Variants in WWOX observed in about 807,000 individuals in gnomAD.
The protein encoded by WWOX is WW domain-containing oxidoreductase.
WWOX carries 69 observed loss-of-function variants against 46.2 expected under a neutral mutation model. The observed-to-expected ratio is 1.49, with a 90% CI of 1.23 to 1.82. WWOX has a LOEUF of 1.82. Among genes scored for constraint, WWOX ranks in the 40% most tolerant of loss-of-function variants. The pLI is 0.00. For synonymous variants in WWOX, 359 were observed against 202.6 expected, an observed-to-expected ratio of 1.77 and a Z score of -6.56; for missense variants, 919 against 542.6, an observed-to-expected ratio of 1.69 and a Z score of -6.89.
chr16:78,116,451 T>G (rs2032795496), intron 4 of WWOX, among the ~76,000 whole-genome samples: 1 of 152,216 alleles, frequency 6.6e-6, no homozygotes, highest in South Asian at 2.1e-4. Flanking sequence ...TTACTGTACT[T>G]GCCTATGAAG....
intron 5 of WWOX, among the ~76,000 whole-genome samples, chr16:78,233,230 G>C (rs1212901293): frequency 6.6e-6 from 1 of 152,178 alleles, no homozygotes; most frequent in African/African-American, 2.4e-5. Context: ...ACATTTCACA[G>C]ATATGCAGAT....
chr16:78,893,848 T>C (rs1567631726), intron 8 of WWOX, among the ~76,000 whole-genome samples: 1 of 152,140 alleles, frequency 6.6e-6, no homozygotes, highest in East Asian at 1.9e-4. Flanking sequence ...TCACACAGTA[T>C]CTTTTGTTTT....
intron 8 of WWOX, among the ~76,000 whole-genome samples, chr16:78,964,147 G>A (rs562727524): frequency 9.2e-5 from 14 of 152,316 alleles, no homozygotes; most frequent in East Asian, 1.9e-4. Flanking sequence ...GTAGAGTGGG[G>A]CATTGCTGAA....
intron 5 of WWOX, among the ~76,000 whole-genome samples, chr16:78,215,698 C>T (rs2036696112): frequency 6.6e-6 from 1 of 152,142 alleles, no homozygotes; most frequent in African/African-American, 2.4e-5. Context: ...GAGGCCGAGG[C>T]AGATGGATCA....
intron 8 of WWOX, among the ~76,000 whole-genome samples, chr16:79,007,791 A>G (rs2047219469): frequency 6.6e-6 from 1 of 152,220 alleles, no homozygotes; most frequent in Admixed American, 6.5e-5. Flanking sequence ...TTTAATATTT[A>G]TCATTGACTA....
chr16:78,359,720 G>A (rs563001804), intron 5 of WWOX, among the ~76,000 whole-genome samples: 10 of 152,246 alleles, frequency 6.6e-5, no homozygotes, highest in African/African-American at 1.7e-4. Flanking sequence ...AACCTTTTAC[G>A]AGACAACGTG....
At chr16:78,447,184 G>C (rs1456418672) in intron 8 of WWOX, among the ~76,000 whole-genome samples, 1 of 152,124 alleles carries the variant, frequency 6.6e-6, no homozygotes, top group African/African-American at 2.4e-5. Context: ...TAGCTGTGTA[G>C]CTTTGGAACG....
chr16:78,729,159 A>G (rs376136176), intron 8 of WWOX, among the ~76,000 whole-genome samples: 1 of 151,882 alleles, frequency 6.6e-6, no homozygotes, highest in African/African-American at 2.4e-5. Context: ...CCTGGCCAAC[A>G]TGGTGAAACC....
At chr16:78,422,676 TATATATATAC>T (rs372927512) in intron 6 of WWOX, among the ~76,000 whole-genome samples, 7 of 72,312 alleles carry the variant, frequency 9.7e-5, no homozygotes, top group African/African-American at 1.5e-4. Flanking sequence ...TATATATATA[TATATATATAC>T]ACACACACAC....
At chr16:78,967,494 G>C (rs1169408314) in intron 8 of WWOX, among the ~76,000 whole-genome samples, 1 of 144,630 alleles carries the variant, frequency 6.9e-6, no homozygotes, top group Non-Finnish European at 1.5e-5. Context: ...TGCTGAGATG[G>C]GGATTTCACC....
chr16:78,931,456 A>C (rs1352005259), intron 8 of WWOX, among the ~76,000 whole-genome samples: 2 of 152,060 alleles, frequency 1.3e-5, no homozygotes, highest in Non-Finnish European at 2.9e-5. Flanking sequence ...GAAATATACA[A>C]CTCTGCATAG....
intron 7 of WWOX, among the ~76,000 whole-genome samples, chr16:78,430,250 C>T (rs924296863): frequency 1.3e-5 from 2 of 152,078 alleles, no homozygotes; most frequent in Non-Finnish European, 2.9e-5. Context: ...AGAAAGCACC[C>T]CCATGATTCA....
chr16:78,150,324 C>T (rs1021436292), intron 4 of WWOX, among the ~76,000 whole-genome samples: 1 of 152,204 alleles, frequency 6.6e-6, no homozygotes, highest in Non-Finnish European at 1.5e-5. Context: ...TCTCCAGGCA[C>T]CACATGCTCA....
intron 8 of WWOX, among the ~76,000 whole-genome samples, chr16:78,672,960 G>T (rs1412661992): frequency 6.6e-6 from 1 of 152,216 alleles, no homozygotes. Context: ...CCATAAGAGG[G>T]CAAGGCTGAG....
intron 8 of WWOX, chr16:78,503,563 C>T (rs1461169482): frequency 6.6e-6 from 1 of 152,098 alleles, no homozygotes; most frequent in Admixed American, 6.5e-5. Context: ...ATTGATGTGC[C>T]ATGATCTTTG....
rs753872882 is a variant in WWOX at position 78,432,500 on chromosome 16, T to C, written c.804T>C (p.Ile268=). 1 of 1,612,790 alleles carries C rather than the reference T, an allele frequency of 6.2e-7. No homozygotes were observed. The highest frequency in any genetic ancestry group is 1.1e-5 in the South Asian group (1 of 91,058). Residue 268 remains isoleucine, a synonymous_variant, in exon 8 of 9, where the codon ATT becomes ATC. Transcript: ENST00000566780. ...TCCTATTTTTAAGATTTACAGATAT[T>C]AACGACTCCTTGGGAAAACTGGACT... is the stretch of plus-strand genomic sequence containing the variant. ...VSSESHRFTD[I]NDSLGKLDFS...
chr16:78,894,458 T>C (rs1019958025), intron 8 of WWOX, among the ~76,000 whole-genome samples: 3 of 152,334 alleles, frequency 2.0e-5, no homozygotes, highest in Middle Eastern at 3.4e-3. Flanking sequence ...GTCTAAATTA[T>C]TGTTTGTAGT....
chr16:78,650,808 T>A (rs1316634867), intron 8 of WWOX, among the ~76,000 whole-genome samples: 5 of 152,172 alleles, frequency 3.3e-5, no homozygotes, highest in Non-Finnish European at 1.5e-5. Flanking sequence ...CCTGCAAAGG[T>A]TCCACTGTGG....
rs1275679942 is a variant in WWOX at position 78,751,920 on chromosome 16, A to G, written c.1056+319168A>G. The stretch of plus-strand genomic sequence containing the variant: ...AGAGTGGTCACCCAGATGAAAATGA[A>G]TAACCCAACTGTGTCTTTCTTCTGG... On this transcript the variant is annotated intron_variant, in intron 8 of 8. Coordinates refer to ENST00000566780, the MANE Select transcript of WWOX (RefSeq NM_016373.4). Among the ~76,000 whole-genome samples, 4 of 152,180 alleles carry G rather than the reference A, an allele frequency of 2.6e-5. No individual in the cohort carries two copies. The East Asian group carries it at 7.7e-4, about 29-fold the overall frequency.
Sources: gnomAD v4.1 joint callset for allele counts (sites outside exome capture counted in the v4.1 genomes callset) on GRCh38, gnomAD v4.1.1 for gene constraint, MANE v1.5 for transcripts, NCBI Gene and HGNC (gene_info 2026-07-23, HGNC 2026-07-21) for gene names.